The following EIF2S1 variants were observed in gnomAD, a reference collection of about 807,000 sequenced individuals.
The protein encoded by EIF2S1 is eukaryotic translation initiation factor 2 subunit alpha.
A neutral mutation model predicts 33.5 loss-of-function variants in EIF2S1; 5 were observed. That is an observed-to-expected ratio of 0.15 (90% confidence interval 0.08 to 0.31). The LOEUF (loss-of-function observed/expected upper bound fraction) is 0.31. EIF2S1 is among the 10% of genes least tolerant of loss of function. The pLI is 1.00. For synonymous variants in EIF2S1, 99 were observed against 127.5 expected (o/e 0.78, Z 1.51); for missense variants, 191 against 384.6 (o/e 0.50, Z 4.21).
intron 4 of EIF2S1, among the ~76,000 whole-genome samples, chr14:67,379,654 CTTTTTTTTT>C (rs541791101): frequency 1.7e-5 from 2 of 119,956 alleles, no homozygotes; most frequent in East Asian, 3.0e-4. Flanking sequence ...TTTTCTTTTT[CTTTTTTTTT>C]TTTTTTTTTG....
intron 2 of EIF2S1, among the ~76,000 whole-genome samples, chr14:67,367,349 G>A (rs144947624): frequency 6.6e-6 from 1 of 152,138 alleles, no homozygotes; most frequent in Non-Finnish European, 1.5e-5. Context: ...TCCTGTCTCA[G>A]CCTCCAGAGT....
rs2085903360 is a variant in EIF2S1 at position 67,383,803 on chromosome 14, A to AATC, written c.*364_*366dup. On this transcript the variant is annotated 3_prime_UTR_variant, in exon 8 of 8. Transcript: ENST00000256383. ...AGGGGCATCCAAGGCAAACAATCCC[A>AATC]ATCTTTCTATATAAAATGTATTCAA... 3 of 285,518 alleles carry AATC rather than the reference A, an allele frequency of 1.1e-5. No individual in the cohort carries two copies. Among genetic ancestry groups the AATC allele is most frequent in the South Asian group, 1.0e-4 (3 of 28,952 alleles). 17.7% of individuals were successfully genotyped at this position (285,518 alleles called of 1,614,324 possible).
At chr14:67,373,937 G>A (rs961205098) in intron 2 of EIF2S1, among the ~76,000 whole-genome samples, 5 of 151,762 alleles carry the variant, frequency 3.3e-5, no homozygotes, top group African/African-American at 1.2e-4. Context: ...TTCCTATTCT[G>A]GAGAAGGAAA....
rs185058400 is a variant in EIF2S1, at chr14:67,366,227, T to C, written c.241+1219T>C. Among the ~76,000 whole-genome samples, 655 of 152,186 alleles carry C rather than the reference T, an allele frequency of 4.3e-3. 5 individuals carry two copies. The highest frequency in any genetic ancestry group is 7.7e-3 in the Non-Finnish European group (522 of 67,992). The stretch of plus-strand genomic sequence containing the variant: ...TCCCAAGTAGCTGGAACTACAGGCA[T>C]GTGCCACCCTGCCCAGCTAACTTTC... On this transcript the variant is annotated intron_variant, in intron 2 of 7. Transcript: ENST00000256383.
At chr14:67,372,381 G>T (rs2141137795) in intron 2 of EIF2S1, among the ~76,000 whole-genome samples, 1 of 152,246 alleles carries the variant, frequency 6.6e-6, no homozygotes, top group East Asian at 1.9e-4. Flanking sequence ...ATTAGGCAAA[G>T]ATTTCTTAGA....
chr14:67,385,927 T>C lies in EIF2S1; in HGVS notation c.*2487T>C, dbSNP rs1360493512. ...TGCCATACTTCAGCCATTCTACTTT[T>C]ACACCAAGAACAAAATGGCTAGAGA... is the stretch of plus-strand genomic sequence containing the variant. On this transcript the variant is annotated 3_prime_UTR_variant, in exon 8 of 8. Coordinates refer to ENST00000256383, the MANE Select transcript of EIF2S1 (RefSeq NM_004094.5). 6.6e-6 allele frequency: 1 copy of C among 152,226 alleles called. No individual in the cohort carries two copies. The highest frequency in any genetic ancestry group is 1.5e-5 in the Non-Finnish European group (1 of 68,050). 9.4% of individuals were successfully genotyped at this position (152,226 alleles called of 1,614,324 possible).
chr14:67,363,638 A>G (rs970202579), intron 1 of EIF2S1, among the ~76,000 whole-genome samples: 3 of 152,180 alleles, frequency 2.0e-5, no homozygotes, highest in African/African-American at 7.2e-5. Context: ...TTTTTAATCT[A>G]TAAAATGGGG....
chr14:67,377,125 C>G (rs777458508), intron 4 of EIF2S1, among the ~76,000 whole-genome samples: 1 of 152,166 alleles, frequency 6.6e-6, no homozygotes, highest in South Asian at 2.1e-4. Context: ...CCTGTCTTTT[C>G]GCCATTTCCT....
Position 67,384,349 on chromosome 14 carries a change from G to A in EIF2S1, c.*909G>A, listed in dbSNP as rs2085906758. ...GTTCTTTATAACAAAACAGGGATCT[G>A]TTTGAACACTTACTGTTGTTTTTTT... On this transcript the variant is annotated 3_prime_UTR_variant, in exon 8 of 8. Transcript: ENST00000256383. 6.7e-6 allele frequency: 1 copy of A among 148,380 alleles called. No individual in the cohort carries two copies. The highest frequency in any genetic ancestry group is 2.5e-5 in the African/African-American group (1 of 40,232). 9.2% of individuals were successfully genotyped at this position (148,380 alleles called of 1,614,324 possible). A position where few individuals can be genotyped will look rare whatever the true frequency, so the allele number is the denominator to read the frequency against.
Position 67,381,612 on chromosome 14 carries a change from T to C in EIF2S1, c.600T>C (p.Tyr200=), listed in dbSNP as rs374722281. The part of the protein sequence containing the change: ...KIRADIEVAC[Y]GYEGIDAVKE... Reference sequence around the variant, plus strand: ...TTGTAGATATTGAAGTGGCTTGTTATGGTTATGAAGGCATTGATGCTGTAA... The same window carrying C: ...TTGTAGATATTGAAGTGGCTTGTTACGGTTATGAAGGCATTGATGCTGTAA... Residue 200 remains tyrosine (Y), a synonymous_variant, in exon 6 of 8, where the codon TAT becomes TAC. Transcript: ENST00000256383. 51 of 1,613,396 alleles carry C rather than the reference T, an allele frequency of 3.2e-5. No individual in the cohort carries two copies. The Admixed American group carries it at 6.3e-4, about 20-fold the overall frequency.
intron 2 of EIF2S1, among the ~76,000 whole-genome samples, chr14:67,368,381 C>T (rs1566611349): frequency 6.6e-6 from 1 of 152,212 alleles, no homozygotes; most frequent in Non-Finnish European, 1.5e-5. Flanking sequence ...TGCTACCAAG[C>T]AAGCCCTTTG....
chr14:67,371,924 G>C (rs534841685), intron 2 of EIF2S1, among the ~76,000 whole-genome samples: 2 of 152,252 alleles, frequency 1.3e-5, no homozygotes, highest in African/African-American at 4.8e-5. Context: ...GGATAATAAA[G>C]CATGACCAAG....
intron 6 of EIF2S1, 184 bp from the exon 7 acceptor site, chr14:67,382,263 A>G (rs2085891347): frequency 6.3e-6 from 3 of 473,318 alleles, no homozygotes; most frequent in Admixed American, 7.8e-5. Flanking sequence ...CTTTTGCTAC[A>G]TTAACAAATC....
intron 2 of EIF2S1, among the ~76,000 whole-genome samples, chr14:67,368,352 G>A (rs2085794892): frequency 6.6e-6 from 1 of 152,176 alleles, no homozygotes; most frequent in Non-Finnish European, 1.5e-5. Context: ...CAGATTGGCT[G>A]CTCTGCATAA....
At chr14:67,373,676 T>C (rs2085839318) in intron 2 of EIF2S1, among the ~76,000 whole-genome samples, 1 of 152,188 alleles carries the variant, frequency 6.6e-6, no homozygotes, top group African/African-American at 2.4e-5. Flanking sequence ...TAACCTTTCA[T>C]GGGTTTTAGT....
intron 2 of EIF2S1, among the ~76,000 whole-genome samples, chr14:67,368,321 G>A (rs1474806219): frequency 6.6e-6 from 1 of 152,120 alleles, no homozygotes; most frequent in African/African-American, 2.4e-5. Flanking sequence ...ATTTTGGCTT[G>A]GTGTATGAGT....
At chr14:67,363,753 A>G (rs1222527379) in intron 1 of EIF2S1, among the ~76,000 whole-genome samples, 1 of 152,228 alleles carries the variant, frequency 6.6e-6, no homozygotes, top group East Asian at 1.9e-4. Context: ...AGCCACTGAG[A>G]AGATATAGGC....
intron 3 of EIF2S1, 54 bp downstream of exon 3, chr14:67,374,601 T>G: frequency 8.1e-7 from 1 of 1,235,184 alleles, no homozygotes; most frequent in East Asian, 2.4e-5. Flanking sequence ...TAATAAATAA[T>G]TTGAAATCTT....
At chr14:67,362,749 T>TA (rs555603851) in intron 1 of EIF2S1, among the ~76,000 whole-genome samples, 176 of 150,836 alleles carry the variant, frequency 1.2e-3, no homozygotes, top group African/African-American at 3.8e-3. Context: ...TTTTTTAAGT[T>TA]AAAAAAAAAA....
Sources: gnomAD v4.1 joint callset for allele counts (sites outside exome capture counted in the v4.1 genomes callset) on GRCh38, gnomAD v4.1.1 for gene constraint, MANE v1.5 for transcripts, NCBI Gene and HGNC (gene_info 2026-07-23, HGNC 2026-07-21) for gene names.